REST: variants seen among roughly 807,000 people sequenced by gnomAD.
REST encodes the protein RE1 silencing transcription factor.
Under a neutral mutation model 30.4 loss-of-function variants are expected in REST, and 1 was observed. That is an observed-to-expected ratio of 0.03 (90% CI 0.01 to 0.16). The LOEUF (loss-of-function observed/expected upper bound fraction) is 0.16, where lower values mean the gene tolerates loss of function less well. Among genes scored for constraint, REST ranks in the 10% least tolerant of loss-of-function variants. The probability of loss-of-function intolerance (pLI) is 1.00; values close to 1 mark genes in which losing one functional copy is unlikely to be tolerated. For synonymous variants in REST, 504 were observed against 451.1 expected (o/e 1.12, Z -1.49); for missense variants, 1,259 against 1,329.5 (o/e 0.95, Z 0.82).
At chr4:56,929,804 A>G in intron 3 of REST, 37 bp from the exon 4 acceptor site, 10 of 1,552,130 alleles carry the variant, frequency 6.4e-6, no homozygotes, top group South Asian at 1.2e-5. Flanking sequence ...ATTTGTCTTA[A>G]TCTATGTCTT....
chr4:56,915,926 C>T (rs1720174472), intron 2 of REST, among the ~76,000 whole-genome samples: 1 of 152,142 alleles, frequency 6.6e-6, no homozygotes, highest in Non-Finnish European at 1.5e-5. Context: ...AGTGATGTTC[C>T]CAAGGTCATA....
intron 3 of REST, among the ~76,000 whole-genome samples, chr4:56,921,859 A>G (rs1720465326): frequency 6.6e-6 from 1 of 152,254 alleles, no homozygotes; most frequent in Non-Finnish European, 1.5e-5. Flanking sequence ...AATTAATTTT[A>G]ACTGTTTCCT....
intron 3 of REST, among the ~76,000 whole-genome samples, chr4:56,927,330 G>T (rs1720758848): frequency 6.6e-6 from 1 of 152,224 alleles, no homozygotes; most frequent in Admixed American, 6.5e-5. Context: ...GAGTAATGTA[G>T]CATGTTGTAG....
Position 56,911,507 on chromosome 4 carries a change from A to G in REST, c.869A>G (p.Asn290Ser). ...KCNYFSDRKN[N>S]YVQHVRTHTG... ...AACTATTTTTCAGACAGAAAAAACA[A>G]TTATGTTCAGCATGTTAGAACTCAT... The change falls in exon 2 of 4, where the codon AAT (asparagine) becomes AGT (serine). Residue 290 changes from asparagine to serine, a missense_variant. Physicochemically the swap from Asn to Ser is conservative, Grantham distance 46. Coordinates refer to ENST00000309042, the MANE Select transcript of REST (RefSeq NM_005612.5). 1 of 1,613,914 alleles carries G rather than the reference A, an allele frequency of 6.2e-7. No homozygotes were observed. The highest frequency in any genetic ancestry group is 2.2e-5 in the East Asian group (1 of 44,880).
In REST at chr4:56,933,242, TTG is replaced by T; in HGVS notation, c.*1092_*1093del. 1 of 152,176 alleles carries T rather than the reference TTG, an allele frequency of 6.6e-6. No individual in the cohort carries two copies. The highest frequency in any genetic ancestry group is 1.5e-5 in the Non-Finnish European group (1 of 68,038). 9.4% of individuals were successfully genotyped at this position (152,176 alleles called of 1,614,324 possible). A position where few individuals can be genotyped will look rare whatever the true frequency, so the allele number is the denominator to read the frequency against. ...GTGTTTTGGTACAGCTAATTCCTAA[TTG>T]TAGAGTGTTAAATGTTTGAGGAGAA... On this transcript the variant is annotated 3_prime_UTR_variant, in exon 4 of 4. Transcript: ENST00000309042.
chr4:56,921,866 T>TTA (rs1720466323), intron 3 of REST, among the ~76,000 whole-genome samples: 1 of 152,250 alleles, frequency 6.6e-6, no homozygotes, highest in South Asian at 2.1e-4. Flanking sequence ...TTTAACTGTT[T>TTA]CCTTTTTACC....
At position 56,931,096 on chromosome 4, in the gene REST, G is replaced by T. The variant is rs200745456; in HGVS notation, c.2238G>T (p.Gln746His). 1.6e-4 allele frequency: 217 copies of T among 1,384,922 alleles called. No homozygotes were observed. The highest frequency in any genetic ancestry group is 8.8e-4 in the Middle Eastern group (5 of 5,686). 85.8% of individuals were successfully genotyped at this position (1,384,922 alleles called of 1,614,324 possible). ...AGGTGGTCCAGAAGGAGCCTGTTCA[G>T]ATAGAGCTGTCTCCTCCCATGGAGG... ...PMEVVQKEPV[Q>H]IELSPPMEVV... Residue 746 changes from glutamine (Q) to histidine (H), a missense_variant, in exon 4 of 4, where the codon CAG (glutamine) becomes CAT (histidine). By Grantham distance (24) the Gln-to-His change is conservative (BLOSUM62 0). This residue lies in a region of REST where 856 missense variants were observed against 772.8 expected (regional missense o/e 1.11). Coordinates refer to ENST00000309042, the MANE Select transcript of REST (RefSeq NM_005612.5).
chr4:56,913,763 C>T (rs1183805179), intron 2 of REST, among the ~76,000 whole-genome samples: 1 of 152,164 alleles, frequency 6.6e-6, no homozygotes, highest in Non-Finnish European at 1.5e-5. Flanking sequence ...ATTCTCATGC[C>T]TCAGCCTCCC....
Position 56,935,488 on chromosome 4 carries a change from C to T in REST, c.*3336C>T, listed in dbSNP as rs531236479. On this transcript the variant is annotated 3_prime_UTR_variant, in exon 4 of 4. Coordinates refer to ENST00000309042, the MANE Select transcript of REST (RefSeq NM_005612.5). Reference sequence around the variant, plus strand: ...ACATAGGTTCCCTCCCGGTCCCTTCCATATCCATTAGTTATTGAACTTTCT... The same window carrying T: ...ACATAGGTTCCCTCCCGGTCCCTTCTATATCCATTAGTTATTGAACTTTCT... 111 of 152,296 alleles carry T rather than the reference C, an allele frequency of 7.3e-4. 2 individuals carry two copies. The highest frequency in any genetic ancestry group is 2.6e-3 in the African/African-American group (108 of 41,560). The allele number at this position is 152,296 out of a possible 1,614,324, so 9.4% of individuals were successfully genotyped here. A position where few individuals can be genotyped will look rare whatever the true frequency, so the allele number is the denominator to read the frequency against.
chr4:56,912,499 A>G (rs546508332), intron 2 of REST, among the ~76,000 whole-genome samples: 6 of 151,076 alleles, frequency 4.0e-5, no homozygotes, highest in African/African-American at 1.2e-4. Context: ...GATTACAGGC[A>G]CCCACCACCG....
rs754937812 is a variant in REST, at chr4:56,919,769, A to G, written c.899-18A>G. ...TTTCGTGACATTTAAACACTCTTAT[A>G]TTATTGAAATTTTGCAGGAGAACGC... On this transcript the variant is annotated intron_variant, in intron 2 of 3. Coordinates refer to ENST00000309042, the MANE Select transcript of REST (RefSeq NM_005612.5). 9.8e-6 allele frequency: 15 copies of G among 1,528,098 alleles called. No individual in the cohort carries two copies. Among genetic ancestry groups the G allele is most frequent in the East Asian group, 6.8e-5 (3 of 44,424 alleles). The allele number at this position is 1,528,098 out of a possible 1,614,324, so 94.7% of individuals were successfully genotyped here.
rs955912423 is a variant in REST, at chr4:56,912,854, C to T, written c.898+1318C>T. On this transcript the variant is annotated intron_variant, in intron 2 of 3. Transcript: ENST00000309042. ...AGAGATGGGGTTTTGCCATATTGGCCAGGCTGGTCTCAAACTCCTGACCTC... is the reference window on the plus strand; with the variant it reads ...AGAGATGGGGTTTTGCCATATTGGCTAGGCTGGTCTCAAACTCCTGACCTC... Among the ~76,000 whole-genome samples the T allele has an allele frequency of 5.9e-4, 90 of 152,184 alleles. 1 individual carries two copies. The highest frequency in any genetic ancestry group is 2.0e-3 in the African/African-American group (83 of 41,534).
At chr4:56,908,413 C>A (rs1719721071) in intron 1 of REST, among the ~76,000 whole-genome samples, 200 bp downstream of exon 1, 1 of 151,412 alleles carries the variant, frequency 6.6e-6, no homozygotes, top group Non-Finnish European at 1.5e-5. Flanking sequence ...ACACAGCAGC[C>A]GCCCGGGGGC....
chr4:56,926,439 C>T (rs1019455858), intron 3 of REST, among the ~76,000 whole-genome samples: 13 of 150,718 alleles, frequency 8.6e-5, no homozygotes, highest in Admixed American at 2.7e-4. Context: ...TGCAGTAGTG[C>T]GATCTCGGCT....
chr4:56,919,194 C>T (rs1708751), intron 2 of REST, among the ~76,000 whole-genome samples: 7,400 of 151,914 alleles, frequency 0.049, 258 homozygotes, highest in Non-Finnish European at 0.072. Flanking sequence ...CGTGGGCCAC[C>T]GTGCCCAGCC....
At chr4:56,916,140 C>T (rs1278221318) in intron 2 of REST, among the ~76,000 whole-genome samples, 2 of 151,494 alleles carry the variant, frequency 1.3e-5, no homozygotes, top group Admixed American at 6.6e-5. Context: ...TCAGCAATCT[C>T]GACTCACTGC....
At chr4:56,923,375 C>T (rs1720539098) in intron 3 of REST, among the ~76,000 whole-genome samples, 1 of 152,196 alleles carries the variant, frequency 6.6e-6, no homozygotes, top group South Asian at 2.1e-4. Flanking sequence ...TCAAGCCATC[C>T]TCTTGCCTCA....
rs1720901962 is a variant in REST, at chr4:56,930,326, A to G, written c.1468A>G (p.Thr490Ala). The change falls in exon 4 of 4, where the codon ACC becomes GCC. Residue 490 changes from threonine to alanine, a missense_variant. Transcript: ENST00000309042. ...SNNVSVIQVT[T>A]RTRKSVTEVK... ...TAATGTGTCAGTGATCCAGGTGACTACCAGAACTCGAAAATCAGTAACAGA... is the reference window on the plus strand; with the variant it reads ...TAATGTGTCAGTGATCCAGGTGACTGCCAGAACTCGAAAATCAGTAACAGA... The G allele has an allele frequency of 6.2e-7, 1 of 1,614,154 alleles. No individual in the cohort carries two copies. The highest frequency in any genetic ancestry group is 1.3e-5 in the African/African-American group (1 of 75,066).
At chr4:56,923,881 C>T (rs1300161463) in intron 3 of REST, among the ~76,000 whole-genome samples, 1 of 152,000 alleles carries the variant, frequency 6.6e-6, no homozygotes, top group Non-Finnish European at 1.5e-5. Flanking sequence ...GCCACCATGC[C>T]AGGCTAATTT....
Sources: allele counts gnomAD v4.1 joint callset (sites outside exome capture counted in the v4.1 genomes callset), GRCh38; gene constraint gnomAD v4.1.1; regional missense constraint gnomAD v4.1.1; transcripts MANE v1.5; gene names NCBI Gene and HGNC (gene_info 2026-07-23, HGNC 2026-07-21).